The following LMO7 variants were observed in gnomAD, a reference collection of about 807,000 sequenced individuals.
LMO7 encodes the protein LIM domain 7.
In LMO7, 120 loss-of-function variants were observed where a neutral mutation model predicts 206.5. The observed-to-expected ratio is 0.58, with a 90% confidence interval of 0.50 to 0.68. LMO7 has a LOEUF of 0.68. LMO7 is among the 30% of genes least tolerant of loss of function. LMO7 has a pLI of 0.00. For missense variants in LMO7, 1,959 were observed against 1,957.9 expected (o/e 1.00, Z -0.01); for synonymous variants, 706 against 681.5 (o/e 1.04, Z -0.56).
intron 1 of LMO7, among the ~76,000 whole-genome samples, chr13:75,678,170 G>A (rs1013818882): frequency 1.5e-4 from 23 of 152,138 alleles, no homozygotes; most frequent in African/African-American, 5.3e-4. Context: ...TAATGGGATT[G>A]CTGGGTCAAA....
chr13:75,805,646 C>T lies in LMO7; in HGVS notation c.1082C>T (p.Pro361Leu), dbSNP rs1470457617. 1 of 1,614,062 alleles carries T rather than the reference C, an allele frequency of 6.2e-7. No homozygotes were observed. The highest frequency in any genetic ancestry group is 8.5e-7 in the Non-Finnish European group (1 of 1,179,890). The change falls in exon 9 of 31, where the codon CCA becomes CTA. Residue 361 changes from proline (P) to leucine (L), a missense_variant. Pro to Leu is a moderately conservative substitution (Grantham distance 98). Coordinates refer to ENST00000377534, the MANE Select transcript of LMO7 (RefSeq NM_001306080.2). ...VRKLSPVMPN[P>L]GNAFDQFLPK... ...AAGCTCAGTCCAGTCATGCCAAACC[C>T]AGGGAATGCTTTTGATCAGTTTCTT...
intron 11 of LMO7, among the ~76,000 whole-genome samples, chr13:75,810,108 A>T (rs906546613): frequency 5.3e-5 from 8 of 152,204 alleles, no homozygotes; most frequent in South Asian, 2.1e-4. Flanking sequence ...CTGGGATTAC[A>T]GGCAAAAACT....
chr13:75,627,981 A>G (rs1721768056), intron 2 of LMO7: 1 of 151,998 alleles, frequency 6.6e-6, no homozygotes, highest in Non-Finnish European at 1.5e-5. Flanking sequence ...AAAAACCTCA[A>G]AAAAAGCTCT....
intron 4 of LMO7, among the ~76,000 whole-genome samples, chr13:75,775,450 A>T (rs2050248783): frequency 1.3e-5 from 2 of 152,146 alleles, no homozygotes; most frequent in Non-Finnish European, 2.9e-5. Flanking sequence ...AACAAAAAAT[A>T]GACAAATGAG....
intron 1 of LMO7, among the ~76,000 whole-genome samples, chr13:75,669,594 C>T (rs1286483471): frequency 6.6e-6 from 1 of 152,162 alleles, no homozygotes; most frequent in Non-Finnish European, 1.5e-5. Context: ...AATAGCATAG[C>T]AATGCCCGCC....
intron 26 of LMO7, among the ~76,000 whole-genome samples, chr13:75,846,213 A>G (rs940851086): frequency 6.6e-6 from 1 of 152,224 alleles, no homozygotes; most frequent in Non-Finnish European, 1.5e-5. Flanking sequence ...CAGGCCAGAT[A>G]GTCTGGTGGC....
intron 3 of LMO7, among the ~76,000 whole-genome samples, chr13:75,758,364 C>T (rs2047860102): frequency 6.6e-6 from 1 of 152,090 alleles, no homozygotes; most frequent in South Asian, 2.1e-4. Flanking sequence ...TTTGAAATTG[C>T]AAGGAATAAA....
chr13:75,823,302 G>T (rs186716320), intron 14 of LMO7, among the ~76,000 whole-genome samples: 3 of 152,178 alleles, frequency 2.0e-5, no homozygotes, highest in Non-Finnish European at 2.9e-5. Flanking sequence ...GAAATTTAAT[G>T]CTTAAGATGT....
chr13:75,632,424 TAGAA>T (rs201314170), upstream of LMO7, among the ~76,000 whole-genome samples: 28 of 152,224 alleles, frequency 1.8e-4, no homozygotes, highest in East Asian at 3.7e-3. Context: ...GACACACTGT[TAGAA>T]AGAGAGACCA....
intron 1 of LMO7, among the ~76,000 whole-genome samples, chr13:75,696,865 C>T (rs1178898246): frequency 6.6e-6 from 1 of 152,140 alleles, no homozygotes; most frequent in African/African-American, 2.4e-5. Context: ...GGTGTGGGGA[C>T]TGCCACTCTC....
chr13:75,775,852 G>A (rs1477945267), intron 4 of LMO7, among the ~76,000 whole-genome samples: 7 of 151,684 alleles, frequency 4.6e-5, no homozygotes, highest in Admixed American at 1.3e-4. Flanking sequence ...ATGCTGACAC[G>A]ATGCTGTTGG....
intron 4 of LMO7, among the ~76,000 whole-genome samples, chr13:75,781,687 C>T (rs1176265104): frequency 6.6e-6 from 1 of 150,404 alleles, no homozygotes; most frequent in East Asian, 2.0e-4. Context: ...GTTCTAGATC[C>T]CTGAGGAATC....
intron 1 of LMO7, among the ~76,000 whole-genome samples, chr13:75,658,103 A>G (rs2038226670): frequency 6.6e-6 from 1 of 151,818 alleles, no homozygotes; most frequent in South Asian, 2.1e-4. Flanking sequence ...CATATATTGA[A>G]TAATCTATTC....
At position 75,727,087 on chromosome 13, in the gene LMO7, A is replaced by G; in HGVS notation, c.199A>G (p.Ile67Val). Residue 67 changes from isoleucine to valine, a missense_variant, in exon 3 of 31, where the codon ATA becomes GTA. Coordinates refer to ENST00000377534, the MANE Select transcript of LMO7 (RefSeq NM_001306080.2). ...GAAGATCAATAGACTGTCTACACCA[A>G]TAGCAGGATTGGTAAGTAGTAAATT... ...IKKINRLSTP[I>V]AGLDNINVFL... 2 of 1,579,242 alleles carry G rather than the reference A, an allele frequency of 1.3e-6. No individual in the cohort carries two copies. Among genetic ancestry groups the G allele is most frequent in the Non-Finnish European group, 1.7e-6 (2 of 1,150,622 alleles).
intron 3 of LMO7, among the ~76,000 whole-genome samples, chr13:75,730,381 A>G (rs1210941660): frequency 6.6e-6 from 1 of 152,108 alleles, no homozygotes; most frequent in East Asian, 1.9e-4. Flanking sequence ...CCAGGAATTT[A>G]TCCATTTCTT....
chr13:75,731,223 G>GT (rs2045171413), intron 3 of LMO7, among the ~76,000 whole-genome samples: 2 of 152,196 alleles, frequency 1.3e-5, no homozygotes, highest in African/African-American at 4.8e-5. Flanking sequence ...AATGTTGACA[G>GT]TGGGGTGTTA....
In LMO7 at chr13:75,821,234, T is replaced by C. The variant is rs898379417; in HGVS notation, c.2265T>C (p.Asp755=). The change falls in exon 14 of 31, where the codon GAT becomes GAC. Residue 755 remains aspartate (D), a synonymous_variant. Transcript: ENST00000377534. ...CAAGAAGGAGAATGTATTCTTTTGA[T>C]GATGTGCTGGAGGAAGGAAAGCGAC... ...VPSRRRMYSF[D]DVLEEGKRPP... is the part of the protein sequence containing the mutation. 2 of 1,613,288 alleles carry C rather than the reference T, an allele frequency of 1.2e-6. No homozygotes were observed. The highest frequency in any genetic ancestry group is 1.7e-6 in the Non-Finnish European group (2 of 1,179,830).
At chr13:75,673,493 A>G (rs2039760955) in intron 1 of LMO7, among the ~76,000 whole-genome samples, 1 of 152,064 alleles carries the variant, frequency 6.6e-6, no homozygotes, top group Non-Finnish European at 1.5e-5. Context: ...TGAGGGTGTG[A>G]GGAGCAGATG....
intron 4 of LMO7, among the ~76,000 whole-genome samples, chr13:75,774,106 C>T (rs1183162557): frequency 6.6e-6 from 1 of 151,840 alleles, no homozygotes; most frequent in African/African-American, 2.4e-5. Context: ...TATCATTTAC[C>T]TATAACAAAA....
Sources: gnomAD v4.1 joint callset for allele counts (sites outside exome capture counted in the v4.1 genomes callset) on GRCh38, gnomAD v4.1.1 for gene constraint, MANE v1.5 for transcripts, NCBI Gene and HGNC (gene_info 2026-07-23, HGNC 2026-07-21) for gene names.